Variants in ERC2 observed in about 807,000 individuals in gnomAD.
ERC2 encodes the protein ELKS/RAB6-interacting/CAST family member 2, also known as ERC protein 2.
Under a neutral mutation model 114.8 loss-of-function variants are expected in ERC2, and 42 were observed. The ratio of observed to expected loss-of-function variants is 0.37; its 90% CI spans 0.29 to 0.47. The LOEUF (loss-of-function observed/expected upper bound fraction) is 0.47. Among genes scored for constraint, ERC2 ranks in the 20% least tolerant of loss-of-function variants. The pLI is 0.99. For missense variants in ERC2, 939 were observed against 1,150.7 expected, an observed-to-expected ratio of 0.82 and a Z score of 2.66; for synonymous variants, 454 against 425.5, an observed-to-expected ratio of 1.07 and a Z score of -0.82.
intron 7 of ERC2, among the ~76,000 whole-genome samples, chr3:56,024,158 A>G (rs2073903492): frequency 6.6e-6 from 1 of 152,212 alleles, no homozygotes; most frequent in Non-Finnish European, 1.5e-5. Context: ...GTCTGATTTA[A>G]GCAGAAAAAT....
intron 14 of ERC2, among the ~76,000 whole-genome samples, chr3:55,759,950 G>C (rs1217764889): frequency 6.6e-6 from 1 of 152,094 alleles, no homozygotes; most frequent in Non-Finnish European, 1.5e-5. Flanking sequence ...TCCAACACTG[G>C]ACTTTTCATA....
intron 14 of ERC2, among the ~76,000 whole-genome samples, chr3:55,834,710 C>T: frequency 6.9e-6 from 1 of 145,046 alleles, no homozygotes. Flanking sequence ...ACTAGAAAAG[C>T]AAGAGCAAAC....
intron 2 of ERC2, among the ~76,000 whole-genome samples, chr3:56,382,645 G>A (rs778647288): frequency 6.6e-6 from 1 of 151,984 alleles, no homozygotes; most frequent in South Asian, 2.1e-4. Context: ...ACACTCTCTT[G>A]TTTCATTCCA....
intron 3 of ERC2, among the ~76,000 whole-genome samples, chr3:56,191,482 C>A (rs1236242237): frequency 6.6e-6 from 1 of 152,138 alleles, no homozygotes; most frequent in Non-Finnish European, 1.5e-5. Flanking sequence ...CTCACACAAC[C>A]TTCACTCACA....
At chr3:55,567,485 A>C (rs911286569) in intron 17 of ERC2, among the ~76,000 whole-genome samples, 2 of 152,178 alleles carry the variant, frequency 1.3e-5, no homozygotes, top group African/African-American at 4.8e-5. Flanking sequence ...GTTTTTAGGG[A>C]GAGCTTGATC....
intron 12 of ERC2, among the ~76,000 whole-genome samples, chr3:55,953,539 T>C (rs1208959711): frequency 2.0e-5 from 3 of 152,008 alleles, no homozygotes; most frequent in African/African-American, 4.8e-5. Flanking sequence ...TACTTGAAAG[T>C]CAAAAGGGAA....
intron 13 of ERC2, among the ~76,000 whole-genome samples, chr3:55,921,050 CCT>C (rs983528164): frequency 2.6e-5 from 4 of 152,066 alleles, no homozygotes; most frequent in African/African-American, 9.7e-5. Flanking sequence ...CACCCTAAAA[CCT>C]CTCTCACAAT....
At chr3:55,673,926 AG>A (rs2061672630) in intron 17 of ERC2, among the ~76,000 whole-genome samples, 2 of 151,372 alleles carry the variant, frequency 1.3e-5, no homozygotes, top group African/African-American at 4.9e-5. Flanking sequence ...GGGATCAGCA[AG>A]GTTGCTAATT....
intron 14 of ERC2, among the ~76,000 whole-genome samples, chr3:55,828,419 T>C (rs1465358412): frequency 7.4e-6 from 1 of 135,876 alleles, no homozygotes; most frequent in East Asian, 2.1e-4. Context: ...TGTTCTTCCT[T>C]TTTTCTCCTC....
At chr3:55,757,019 T>G (rs2067104551) in intron 14 of ERC2, among the ~76,000 whole-genome samples, 1 of 152,184 alleles carries the variant, frequency 6.6e-6, no homozygotes, top group South Asian at 2.1e-4. Context: ...ATATACCAAA[T>G]TCAATATGCT....
At chr3:55,575,069 A>C (rs963862098) in intron 17 of ERC2, among the ~76,000 whole-genome samples, 2 of 152,178 alleles carry the variant, frequency 1.3e-5, no homozygotes, top group African/African-American at 4.8e-5. Flanking sequence ...ACTGGAGTGC[A>C]GTGGCATGAT....
intron 2 of ERC2, among the ~76,000 whole-genome samples, chr3:56,421,588 C>T (rs2061390641): frequency 1.3e-5 from 2 of 152,136 alleles, no homozygotes; most frequent in Admixed American, 1.3e-4. Context: ...ACATGCTTTC[C>T]TTGAGTGCCG....
At chr3:55,546,570 C>A (rs867830069) in intron 17 of ERC2, among the ~76,000 whole-genome samples, 1 of 152,198 alleles carries the variant, frequency 6.6e-6, no homozygotes, top group South Asian at 2.1e-4. Context: ...CAAGGCCAAG[C>A]ACAGTGCCAG....
intron 17 of ERC2, among the ~76,000 whole-genome samples, chr3:55,566,294 G>A (rs1273859467): frequency 6.6e-6 from 1 of 152,186 alleles, no homozygotes; most frequent in Non-Finnish European, 1.5e-5. Context: ...CACGTACTAA[G>A]TGCCAGGTAC....
chr3:55,950,651 A>G, intron 12 of ERC2, 91 bp from the exon 13 acceptor site: 2 of 1,401,240 alleles, frequency 1.4e-6, no homozygotes, highest in Non-Finnish European at 2.0e-6. Context: ...AGTATAGGCT[A>G]TCTGGATAAG....
chr3:56,326,049 C>T (rs1379002456), intron 2 of ERC2, among the ~76,000 whole-genome samples: 3 of 152,234 alleles, frequency 2.0e-5, no homozygotes, highest in Non-Finnish European at 4.4e-5. Context: ...CCTCACTCTC[C>T]TTCTTCTAGC....
chr3:55,846,885 G>A (rs559566422), intron 14 of ERC2, among the ~76,000 whole-genome samples: 14 of 152,172 alleles, frequency 9.2e-5, no homozygotes, highest in Non-Finnish European at 2.1e-4. Flanking sequence ...AGTTTGTAGG[G>A]TAAATGGCAA....
intron 6 of ERC2, among the ~76,000 whole-genome samples, chr3:56,098,221 A>T (rs1196879639): frequency 1.3e-5 from 2 of 152,246 alleles, no homozygotes; most frequent in Non-Finnish European, 2.9e-5. Context: ...AAAGACAAGT[A>T]AGGATGTTTT....
At chr3:56,206,789 A>T (rs1174741295) in intron 3 of ERC2, among the ~76,000 whole-genome samples, 1 of 152,236 alleles carries the variant, frequency 6.6e-6, no homozygotes, top group African/African-American at 2.4e-5. Context: ...ATTTGTGAAC[A>T]GTGTATCCGT....
Sources: allele counts gnomAD v4.1 joint callset (sites outside exome capture counted in the v4.1 genomes callset), GRCh38; gene constraint gnomAD v4.1.1; transcripts MANE v1.5; gene names NCBI Gene and HGNC (gene_info 2026-07-23, HGNC 2026-07-21).